Variants in XPO6 observed in about 807,000 individuals in gnomAD.
XPO6 encodes the protein exportin-6.
XPO6 carries 3 observed loss-of-function variants against 130.0 expected under a neutral mutation model. The observed-to-expected ratio is 0.02, with a 90% CI of 0.01 to 0.06. XPO6 has a LOEUF of 0.06. Ranked by LOEUF, XPO6 falls within the 10% of genes least tolerant of loss-of-function variation. The pLI is 1.00. For missense variants in XPO6, 970 were observed against 1,393.0 expected (o/e 0.70, Z 4.83); for synonymous variants, 524 against 548.9 (o/e 0.95, Z 0.63).
Position 28,157,257 on chromosome 16 carries a change from G to A in XPO6, c.644-730C>T, listed in dbSNP as rs1048649992. 1.1e-3 allele frequency among the ~76,000 whole-genome samples: 162 copies of A among 152,270 alleles called. 1 individual carries two copies. The highest frequency in any genetic ancestry group is 3.6e-3 in the African/African-American group (148 of 41,554). On this transcript the variant is annotated intron_variant, in intron 6 of 23. Coordinates refer to ENST00000304658, the MANE Select transcript of XPO6 (RefSeq NM_015171.4). Reference sequence around the variant, plus strand: ...GGATTACCTGAGGTCAGTAGTTCAAGACCAGCCTGACCAACATGGTGAAAC... The same window carrying A: ...GGATTACCTGAGGTCAGTAGTTCAAAACCAGCCTGACCAACATGGTGAAAC...
At chr16:28,142,800 G>A (rs1407762058) in intron 9 of XPO6, among the ~76,000 whole-genome samples, 1 of 151,924 alleles carries the variant, frequency 6.6e-6, no homozygotes, top group Admixed American at 6.6e-5. Context: ...CAAACTCCTG[G>A]GCTCAAGTGA....
Position 28,098,636 on chromosome 16 carries a change from G to A in XPO6, c.3280C>T (p.Leu1094=). The A allele has an allele frequency of 1.2e-6, 2 of 1,608,926 alleles. No individual in the cohort carries two copies. Among genetic ancestry groups the A allele is most frequent in the Non-Finnish European group, 1.7e-6 (2 of 1,176,646 alleles). ...LGRNFKMDRD[L]PSFTQNVHRL... ...TGCACATTCTGGGTGAATGAGGGCA[G>A]GTCCTGGAAGGCAGGGGCATAGCTG... The change falls in exon 24 of 24, where the codon CTG becomes TTG. Residue 1094 remains leucine, a synonymous_variant. Coordinates refer to ENST00000304658, the MANE Select transcript of XPO6 (RefSeq NM_015171.4).
chr16:28,186,673 T>A (rs1393214863), intron 1 of XPO6, among the ~76,000 whole-genome samples: 2 of 22,710 alleles, frequency 8.8e-5, no homozygotes, highest in Non-Finnish European at 3.5e-4. Flanking sequence ...TTCAGCCTAA[T>A]TTTTTTTTTT....
chr16:28,141,397 G>C (rs138343870), intron 9 of XPO6, among the ~76,000 whole-genome samples: 1,587 of 152,292 alleles, frequency 0.01, 36 homozygotes, highest in African/African-American at 0.036. Flanking sequence ...AGAGAGAAAG[G>C]GGAGGTGAAC....
At chr16:28,206,627 A>G (rs1004395521) in intron 1 of XPO6, among the ~76,000 whole-genome samples, 4 of 152,194 alleles carry the variant, frequency 2.6e-5, no homozygotes, top group African/African-American at 9.7e-5. Flanking sequence ...TTTATACTAC[A>G]TTAATTTTGC....
At chr16:28,136,542 C>T (rs2042781503) in intron 9 of XPO6, among the ~76,000 whole-genome samples, 1 of 152,158 alleles carries the variant, frequency 6.6e-6, no homozygotes, top group South Asian at 2.1e-4. Flanking sequence ...GCCTGCTCCA[C>T]CCAACTCCCA....
chr16:28,142,556 T>C (rs1596866301), intron 9 of XPO6, among the ~76,000 whole-genome samples: 1 of 151,322 alleles, frequency 6.6e-6, no homozygotes, highest in East Asian at 1.9e-4. Flanking sequence ...CTTGGAGGGG[T>C]TTTTGTTGTT....
intron 8 of XPO6, among the ~76,000 whole-genome samples, chr16:28,148,143 T>G (rs1305480811): frequency 6.6e-6 from 1 of 152,198 alleles, no homozygotes; most frequent in Non-Finnish European, 1.5e-5. Context: ...GGAAGTGCCT[T>G]TGGGAAAGGT....
chr16:28,167,058 G>A (rs2043368483), intron 5 of XPO6: 6 of 871,728 alleles, frequency 6.9e-6, no homozygotes, highest in Non-Finnish European at 8.3e-6. Flanking sequence ...TTCCCTGACT[G>A]ACCTGCTTCT....
chr16:28,117,958 T>A (rs1230589084), intron 14 of XPO6, among the ~76,000 whole-genome samples: 1 of 152,230 alleles, frequency 6.6e-6, no homozygotes, highest in East Asian at 1.9e-4. Flanking sequence ...AAAGACTATG[T>A]TTGGTTTCAG....
chr16:28,198,407 CAAG>C (rs1422943499), intron 1 of XPO6, among the ~76,000 whole-genome samples: 7 of 151,918 alleles, frequency 4.6e-5, no homozygotes, highest in Middle Eastern at 3.4e-3. Flanking sequence ...TAAGCAAAAT[CAAG>C]AAGTGGCAGA....
intron 6 of XPO6, among the ~76,000 whole-genome samples, chr16:28,157,299 T>C (rs2043199134): frequency 1.3e-5 from 2 of 151,712 alleles, no homozygotes; most frequent in South Asian, 4.2e-4. Flanking sequence ...TCTAGTAAAA[T>C]ACAAAGTTAG....
At chr16:28,167,157 CCCAAACTCACCTTGACTATATACA>C in intron 5 of XPO6, 1 of 985,400 alleles carries the variant, frequency 1.0e-6, no homozygotes, top group Non-Finnish European at 1.2e-6. Flanking sequence ...CTGTTCTTGG[CCCAAACTCACCTTGACTATATACA>C]CCAAGCTCTG....
intron 1 of XPO6, among the ~76,000 whole-genome samples, chr16:28,207,577 T>C (rs986884254): frequency 6.6e-6 from 1 of 152,206 alleles, no homozygotes; most frequent in Non-Finnish European, 1.5e-5. Flanking sequence ...TCAACAGGGA[T>C]AGTGTAAACA....
At chr16:28,151,076 G>A (rs1037126914) in intron 8 of XPO6, among the ~76,000 whole-genome samples, 3 of 148,700 alleles carry the variant, frequency 2.0e-5, no homozygotes, top group Non-Finnish European at 3.0e-5. Flanking sequence ...CCTTGAGAAA[G>A]GACAGCTTTC....
At chr16:28,112,146 G>A in intron 16 of XPO6, 140 bp from the exon 17 acceptor site, 1 of 940,274 alleles carries the variant, frequency 1.1e-6, no homozygotes, top group East Asian at 2.6e-5. Context: ...CCTGGGCAAG[G>A]CCTTTGGTCC....
intron 6 of XPO6, among the ~76,000 whole-genome samples, chr16:28,166,258 A>G (rs2043354059): frequency 6.6e-6 from 1 of 152,176 alleles, no homozygotes; most frequent in Non-Finnish European, 1.5e-5. Flanking sequence ...ATCTCAGCAC[A>G]AGCACATAAC....
Position 28,111,790 on chromosome 16 carries a change from A to T in XPO6, c.2341+27T>A, listed in dbSNP as rs753470418. 7 of 1,607,382 alleles carry T rather than the reference A, an allele frequency of 4.4e-6. No individual in the cohort carries two copies. The East Asian group carries it at 1.6e-4, about 36-fold the overall frequency. ...ACAATGCCTGCCTACCTCCTTCCCCAGCTGTCCTAGCCTAGGGGTCACTTA... is the reference window on the plus strand; with the variant it reads ...ACAATGCCTGCCTACCTCCTTCCCCTGCTGTCCTAGCCTAGGGGTCACTTA... On this transcript the variant is annotated intron_variant, in intron 17 of 23. Transcript: ENST00000304658.
At chr16:28,180,869 C>A (rs759064164) in intron 2 of XPO6, 72 bp downstream of exon 2, 1 of 1,279,248 alleles carries the variant, frequency 7.8e-7, no homozygotes, top group South Asian at 1.3e-5. Flanking sequence ...GTCACGGCTA[C>A]GAACAACTCC....
Sources: gnomAD v4.1 joint callset for allele counts (sites outside exome capture counted in the v4.1 genomes callset) on GRCh38, gnomAD v4.1.1 for gene constraint, MANE v1.5 for transcripts, NCBI Gene and HGNC (gene_info 2026-07-23, HGNC 2026-07-21) for gene names.